The following RBFOX1 variants were observed in gnomAD, a reference collection of about 807,000 sequenced individuals.
RBFOX1 encodes RNA binding protein fox-1 homolog 1.
In RBFOX1, 8 loss-of-function variants were observed where a neutral mutation model predicts 57.7. The ratio of observed to expected loss-of-function variants is 0.14; its 90% CI spans 0.08 to 0.25. RBFOX1 has a LOEUF of 0.25. RBFOX1 is among the 10% of genes least tolerant of loss of function. The pLI is 1.00. For missense variants in RBFOX1, 611 were observed against 548.5 expected (o/e 1.11, Z -1.14); for synonymous variants, 326 against 222.4 (o/e 1.47, Z -4.15).
chr16:6,959,876 T>C (rs1458490376), intron 3 of RBFOX1, among the ~76,000 whole-genome samples: 4 of 152,064 alleles, frequency 2.6e-5, no homozygotes, highest in African/African-American at 7.2e-5. Context: ...GGCGGACATG[T>C]AGTGAGCTGA....
At chr16:7,227,868 C>G (rs1201496479) in intron 4 of RBFOX1, among the ~76,000 whole-genome samples, 3 of 152,212 alleles carry the variant, frequency 2.0e-5, no homozygotes, top group Non-Finnish European at 4.4e-5. Context: ...GTTTTTACTC[C>G]TTGCTTTAAT....
In RBFOX1 at chr16:6,813,435, C is replaced by G. The variant is rs559915793; in HGVS notation, c.-16+158785C>G. On this transcript the variant is annotated intron_variant, in intron 3 of 15. Coordinates refer to ENST00000550418, the MANE Select transcript of RBFOX1 (RefSeq NM_018723.4). ...GTCACCTCTGAATGTTCTCATGGCT[C>G]TAGTTTGGGGACCCCAGCTCCTTCT... Among the ~76,000 whole-genome samples, 15 of 152,246 alleles carry G rather than the reference C, an allele frequency of 9.9e-5. No individual in the cohort carries two copies. In the South Asian group the frequency reaches 3.1e-3, roughly 32 times the overall value.
At chr16:7,263,440 A>G (rs534648643) in intron 4 of RBFOX1, among the ~76,000 whole-genome samples, 1 of 152,282 alleles carries the variant, frequency 6.6e-6, no homozygotes, top group Non-Finnish European at 1.5e-5. Flanking sequence ...AGTTTTAACT[A>G]GTCTTGATGC....
At chr16:5,346,108 ACAGAGAAGTATGG>A (rs1466050044) in intron 1 of RBFOX1, among the ~76,000 whole-genome samples, 1 of 152,220 alleles carries the variant, frequency 6.6e-6, no homozygotes, top group Admixed American at 6.5e-5. Context: ...AGACAAGCGC[ACAGAGAAGTATGG>A]CAGCCTGCAT....
intron 3 of RBFOX1, among the ~76,000 whole-genome samples, chr16:5,615,557 A>G (rs1490853221): frequency 6.6e-6 from 1 of 152,244 alleles, no homozygotes; most frequent in Non-Finnish European, 1.5e-5. Context: ...CTGGCTGCCA[A>G]TCTGAAGATG....
intron 1 of RBFOX1, among the ~76,000 whole-genome samples, chr16:6,257,609 G>C (rs569178839): frequency 1.4e-3 from 218 of 152,120 alleles, no homozygotes; most frequent in African/African-American, 5.1e-3. Context: ...ACTGTCTGTT[G>C]TTCCCTTCTA....
intron 3 of RBFOX1, among the ~76,000 whole-genome samples, chr16:6,896,639 G>A (rs8044467): frequency 0.022 from 3,363 of 152,188 alleles, 123 homozygotes; most frequent in African/African-American, 0.076. Flanking sequence ...TATTTCAAAC[G>A]CACTTAGAAC....
At position 5,447,076 on chromosome 16, in the gene RBFOX1, C is replaced by T. The variant is rs147070172; in HGVS notation, c.220-20140C>T. Among the ~76,000 whole-genome samples the T allele has an allele frequency of 6.6e-5, 10 of 152,298 alleles. No individual in the cohort carries two copies. In the East Asian group the frequency reaches 1.2e-3, roughly 18 times the overall value. On this transcript the variant is annotated intron_variant, in intron 1 of 2. Transcript: ENST00000585867. ...TAAGCAAACAAACCATCACGATCAA[C>T]AAAAGAGGTAATGCTGTGACTACCG...
intron 3 of RBFOX1, among the ~76,000 whole-genome samples, chr16:6,822,247 A>G (rs1045091146): frequency 6.6e-6 from 1 of 152,134 alleles, no homozygotes; most frequent in Non-Finnish European, 1.5e-5. Context: ...TCCCTTGAGT[A>G]TCAATGCTCA....
intron 3 of RBFOX1, among the ~76,000 whole-genome samples, chr16:5,640,732 C>A (rs1352681154): frequency 3.4e-5 from 5 of 148,106 alleles, no homozygotes; most frequent in African/African-American, 7.5e-5. Flanking sequence ...GCATAGAAAC[C>A]CATGCACATA....
intron 3 of RBFOX1, among the ~76,000 whole-genome samples, chr16:5,687,402 T>A (rs1478595594): frequency 2.0e-5 from 3 of 152,130 alleles, no homozygotes; most frequent in African/African-American, 7.2e-5. Context: ...TCCTTAAACT[T>A]TTTAGCTTCC....
chr16:5,432,379 C>T (rs750218427), intron 1 of RBFOX1, among the ~76,000 whole-genome samples: 12 of 152,168 alleles, frequency 7.9e-5, no homozygotes, highest in Non-Finnish European at 1.6e-4. Context: ...TCGACTGCTC[C>T]GTGCCTCCGC....
At chr16:7,270,939 G>A (rs562131607) in intron 4 of RBFOX1, among the ~76,000 whole-genome samples, 2 of 152,252 alleles carry the variant, frequency 1.3e-5, no homozygotes, top group South Asian at 2.1e-4. Context: ...GGAGACTTAG[G>A]GGTTACGGTG....
chr16:7,461,255 C>T (rs1199626779), intron 4 of RBFOX1, among the ~76,000 whole-genome samples: 1 of 151,926 alleles, frequency 6.6e-6, no homozygotes, highest in Non-Finnish European at 1.5e-5. Flanking sequence ...GCAACCTCCA[C>T]CTCCCAGGTT....
chr16:6,859,162 T>TACGTATATATAC (rs1567593061), intron 3 of RBFOX1, among the ~76,000 whole-genome samples: 1 of 90,114 alleles, frequency 1.1e-5, no homozygotes, highest in African/African-American at 6.4e-5. Context: ...TGTATATATA[T>TACGTATATATAC]ACGTATATAT....
At chr16:6,990,125 C>G (rs2091172627) in intron 3 of RBFOX1, among the ~76,000 whole-genome samples, 1 of 152,170 alleles carries the variant, frequency 6.6e-6, no homozygotes, top group African/African-American at 2.4e-5. Flanking sequence ...TCACCAACAA[C>G]TAGTAAACGT....
intron 4 of RBFOX1, among the ~76,000 whole-genome samples, chr16:7,500,227 A>G (rs2070263103): frequency 6.6e-6 from 1 of 152,218 alleles, no homozygotes; most frequent in Non-Finnish European, 1.5e-5. Context: ...AGATCCTCAT[A>G]TTGGGAAAGA....
intron 4 of RBFOX1, among the ~76,000 whole-genome samples, chr16:5,894,709 C>T (rs1197232801): frequency 6.6e-6 from 1 of 151,682 alleles, no homozygotes; most frequent in Non-Finnish European, 1.5e-5. Context: ...TATTGCACAG[C>T]AAGAAGAAGA....
chr16:7,194,377 C>T (rs1245484579), intron 4 of RBFOX1, among the ~76,000 whole-genome samples: 2 of 152,072 alleles, frequency 1.3e-5, no homozygotes, highest in African/African-American at 2.4e-5. Flanking sequence ...TCAATTTAAA[C>T]AAAGCACATC....
Sources: gnomAD v4.1 joint callset for allele counts (sites outside exome capture counted in the v4.1 genomes callset) on GRCh38, gnomAD v4.1.1 for gene constraint, MANE v1.5 for transcripts, NCBI Gene and HGNC (gene_info 2026-07-23, HGNC 2026-07-21) for gene names.